ACYP2: variants seen among roughly 807,000 people sequenced by gnomAD.
The protein encoded by ACYP2 is acylphosphatase 2, also known as acylphosphatase-2.
ACYP2 carries 12 observed loss-of-function variants against 11.2 expected under a neutral mutation model. That is an observed-to-expected ratio of 1.08 (90% CI 0.69 to 1.74). ACYP2 has a LOEUF of 1.74. ACYP2 is among the 40% of genes most tolerant of loss of function. The pLI, the probability that ACYP2 is intolerant of heterozygous loss-of-function variation, is 0.00. For synonymous variants in ACYP2, 43 were observed against 32.2 expected, an observed-to-expected ratio of 1.33 and a Z score of -1.13; for missense variants, 134 against 101.9, an observed-to-expected ratio of 1.31 and a Z score of -1.35.
At chr2:54,115,379 T>C in intron 4 of ACYP2, 1 of 557,420 alleles carries the variant, frequency 1.8e-6, no homozygotes, top group Non-Finnish European at 3.0e-6. Context: ...ATTTACTAAC[T>C]TTGAGAACAG....
chr2:54,178,772 C>T (rs572363259), intron 6 of ACYP2, among the ~76,000 whole-genome samples: 2 of 152,222 alleles, frequency 1.3e-5, no homozygotes, highest in South Asian at 2.1e-4. Flanking sequence ...TAATTGAAAA[C>T]ACTAAGAGTA....
chr2:53,971,636 G>C (rs1190263078), intron 1 of ACYP2, among the ~76,000 whole-genome samples: 2 of 152,184 alleles, frequency 1.3e-5, no homozygotes, highest in African/African-American at 4.8e-5. Context: ...GTCTAGCAGA[G>C]ATAAAGACGT....
intron 6 of ACYP2, among the ~76,000 whole-genome samples, chr2:54,148,252 GA>G (rs200925735): frequency 5.3e-5 from 8 of 151,336 alleles, no homozygotes; most frequent in Non-Finnish European, 1.0e-4. Flanking sequence ...TTGATGCCCT[GA>G]AAAAAAAATT....
intron 4 of ACYP2, among the ~76,000 whole-genome samples, chr2:54,120,838 C>T (rs150255742): frequency 6.6e-6 from 1 of 152,126 alleles, no homozygotes. Context: ...TTGGAGATGC[C>T]AGCAACCACA....
chr2:54,196,311 C>G lies in ACYP2; in HGVS notation c.404+57563C>G, dbSNP rs147602170. Among the ~76,000 whole-genome samples the G allele has an allele frequency of 1.8e-4, 27 of 152,278 alleles. No homozygotes were observed. In the East Asian group the frequency reaches 4.6e-3, roughly 26 times the overall value. ...CACTGCAATCTCCACCTCCCAGGCT[C>G]AAGCCATCCTCCCACCTCAGCTTCC... On this transcript the variant is annotated intron_variant, in intron 6 of 6. Coordinates refer to ENST00000607452, the MANE Select transcript of ACYP2 (RefSeq NM_001320586.2).
intron 6 of ACYP2, among the ~76,000 whole-genome samples, chr2:54,266,355 G>C (rs1015159285): frequency 3.3e-5 from 5 of 152,014 alleles, no homozygotes; most frequent in Non-Finnish European, 7.4e-5. Context: ...TAGGGGACAG[G>C]AAAACTCTCA....
intron 2 of ACYP2, among the ~76,000 whole-genome samples, chr2:54,021,400 T>A (rs533696670): frequency 1.3e-5 from 2 of 152,194 alleles, no homozygotes; most frequent in Non-Finnish European, 2.9e-5. Context: ...GCTGAACATA[T>A]TGATACCATT....
chr2:54,265,134 T>G (rs1053850843), intron 6 of ACYP2, among the ~76,000 whole-genome samples: 1 of 152,208 alleles, frequency 6.6e-6, no homozygotes, highest in Non-Finnish European at 1.5e-5. Context: ...AGCATGTGTA[T>G]TAGTCCATTT....
intron 2 of ACYP2, among the ~76,000 whole-genome samples, chr2:54,020,339 A>C (rs1673937855): frequency 6.6e-6 from 1 of 152,254 alleles, no homozygotes; most frequent in African/African-American, 2.4e-5. Context: ...GTATCAGTAC[A>C]ATACTTTCTT....
intron 6 of ACYP2, among the ~76,000 whole-genome samples, chr2:54,225,646 T>C (rs2103957743): frequency 1.3e-5 from 2 of 152,306 alleles, no homozygotes; most frequent in South Asian, 4.2e-4. Flanking sequence ...TATTCAAAAG[T>C]TGAATTGCTA....
At chr2:54,273,856 G>C (rs1399240164) in intron 6 of ACYP2, among the ~76,000 whole-genome samples, 2 of 152,186 alleles carry the variant, frequency 1.3e-5, no homozygotes, top group African/African-American at 4.8e-5. Context: ...CCGGGAGAGA[G>C]GGAAGACCTA....
At chr2:54,045,199 TC>T (rs1206374741) in intron 2 of ACYP2, among the ~76,000 whole-genome samples, 1 of 152,128 alleles carries the variant, frequency 6.6e-6, no homozygotes, top group Non-Finnish European at 1.5e-5. Flanking sequence ...AATGATTTCA[TC>T]CCCCTTATTC....
chr2:54,014,015 G>C lies in ACYP2; in HGVS notation c.63-36943G>C, dbSNP rs562402625. On this transcript the variant is annotated intron_variant, in intron 2 of 6. Transcript: ENST00000607452. ...TCCACTAAAAATACAAACATTAGCC[G>C]GGAGTGGTGGCAGGCACTTGTAATC... Among the ~76,000 whole-genome samples, 45 of 152,122 alleles carry C rather than the reference G, an allele frequency of 3.0e-4. No individual in the cohort carries two copies. In the South Asian group the frequency reaches 9.2e-3, roughly 31 times the overall value.
chr2:54,217,575 G>A (rs1685611622), intron 6 of ACYP2, among the ~76,000 whole-genome samples: 1 of 151,800 alleles, frequency 6.6e-6, no homozygotes, highest in African/African-American at 2.4e-5. Context: ...GTTTCACCGT[G>A]TTGCCCAGGT....
At chr2:54,241,746 C>T (rs943080845) in intron 6 of ACYP2, among the ~76,000 whole-genome samples, 3 of 152,188 alleles carry the variant, frequency 2.0e-5, no homozygotes, top group Non-Finnish European at 4.4e-5. Context: ...GGCGCAGTGG[C>T]TCACGCCTGT....
chr2:54,293,913 T>G (rs1319834424), intron 6 of ACYP2, among the ~76,000 whole-genome samples: 1 of 152,224 alleles, frequency 6.6e-6, no homozygotes, highest in Non-Finnish European at 1.5e-5. Flanking sequence ...TAAAGAAACT[T>G]GTTAAAGAAA....
chr2:54,276,662 C>CCA (rs1553405194), intron 6 of ACYP2, among the ~76,000 whole-genome samples: 68 of 132,230 alleles, frequency 5.1e-4, no homozygotes, highest in African/African-American at 2.1e-3. Flanking sequence ...CACACACACA[C>CCA]CACACACAAG....
At chr2:54,186,567 A>G (rs151292474) in intron 6 of ACYP2, among the ~76,000 whole-genome samples, 420 of 152,216 alleles carry the variant, frequency 2.8e-3, no homozygotes, top group African/African-American at 9.6e-3. Context: ...AGGCTGGAGT[A>G]CAATGGCGTG....
At chr2:54,177,899 TTCTTTA>T (rs1282608977) in intron 6 of ACYP2, among the ~76,000 whole-genome samples, 2 of 89,262 alleles carry the variant, frequency 2.2e-5, no homozygotes, top group Admixed American at 1.0e-4. Flanking sequence ...TTTTCTTTCT[TTCTTTA>T]TTTTTTTTTT....
Sources: gnomAD v4.1 joint callset for allele counts (sites outside exome capture counted in the v4.1 genomes callset) on GRCh38, gnomAD v4.1.1 for gene constraint, MANE v1.5 for transcripts, NCBI Gene and HGNC (gene_info 2026-07-23, HGNC 2026-07-21) for gene names.